CCDC12: variants seen among roughly 807,000 people sequenced by gnomAD.
CCDC12 encodes coiled-coil domain-containing protein 12.
CCDC12 carries 28 observed loss-of-function variants against 25.7 expected under a neutral mutation model. That is an observed-to-expected ratio of 1.09 (90% CI 0.81 to 1.50). The LOEUF (loss-of-function observed/expected upper bound fraction) is 1.50. CCDC12 is among the 40% of genes most tolerant of loss of function. The pLI is 0.00. For synonymous variants in CCDC12, 75 were observed against 87.7 expected (o/e 0.86, Z 0.81); for missense variants, 198 against 210.0 (o/e 0.94, Z 0.35).
At chr3:46,945,205 G>A (rs936057755) in intron 1 of CCDC12, among the ~76,000 whole-genome samples, 1 of 152,162 alleles carries the variant, frequency 6.6e-6, no homozygotes, top group African/African-American at 2.4e-5. Context: ...GCACCTCAAG[G>A]CCTAGCCCAG....
chr3:46,938,518 GTTTTTTTTTTTTTTT>G (rs66474878), intron 2 of CCDC12, among the ~76,000 whole-genome samples: 2 of 91,380 alleles, frequency 2.2e-5, no homozygotes, highest in Non-Finnish European at 4.1e-5. Flanking sequence ...TTCCCCTCCT[GTTTTTTTTTTTTTTT>G]TTTTTTTTTT....
chr3:46,927,997 G>T (rs1447938821), intron 2 of CCDC12, among the ~76,000 whole-genome samples: 1 of 152,196 alleles, frequency 6.6e-6, no homozygotes, highest in Non-Finnish European at 1.5e-5. Flanking sequence ...ACAGGCCCAA[G>T]ATTTAACCTC....
At chr3:46,922,515 G>A (rs2032727896) in intron 5 of CCDC12, 1 of 614,768 alleles carries the variant, frequency 1.6e-6, no homozygotes, top group African/African-American at 1.8e-5. Flanking sequence ...CACTGAGGCA[G>A]GGGGACTAGC....
intron 1 of CCDC12, among the ~76,000 whole-genome samples, chr3:46,941,650 G>A (rs184351620): frequency 3.3e-5 from 5 of 152,244 alleles, no homozygotes. Flanking sequence ...CTCACAGAAA[G>A]AGCTGGATGG....
At chr3:46,934,843 G>A (rs569733216) in intron 2 of CCDC12, among the ~76,000 whole-genome samples, 1 of 152,248 alleles carries the variant, frequency 6.6e-6, no homozygotes, top group South Asian at 2.1e-4. Context: ...TCTACAGTGG[G>A]ACTGAAAGAA....
At chr3:46,950,747 A>C (rs1038586962) in intron 1 of CCDC12, among the ~76,000 whole-genome samples, 3 of 152,188 alleles carry the variant, frequency 2.0e-5, no homozygotes, top group African/African-American at 7.2e-5. Flanking sequence ...AATGGAAATA[A>C]CCTGTGTCCA....
intron 3 of CCDC12, among the ~76,000 whole-genome samples, chr3:46,924,615 C>T (rs1253026090): frequency 2.6e-5 from 4 of 152,150 alleles, no homozygotes; most frequent in Non-Finnish European, 5.9e-5. Flanking sequence ...GACGCCAAGG[C>T]GGGTGGATCA....
chr3:46,977,471 C>CA (rs61340798), upstream of CCDC12, among the ~76,000 whole-genome samples: 233 of 120,234 alleles, frequency 1.9e-3, no homozygotes, highest in African/African-American at 7.2e-3. Context: ...GACTCCGTCT[C>CA]AAAAAAAAAA....
At chr3:46,945,987 C>T (rs192745331) in intron 1 of CCDC12, among the ~76,000 whole-genome samples, 76 of 152,322 alleles carry the variant, frequency 5.0e-4, no homozygotes, top group Middle Eastern at 3.4e-3. Context: ...CTGGAAGGAT[C>T]CCTCAATGGA....
At position 46,968,636 on chromosome 3, in the gene CCDC12, A is replaced by T. The variant is rs559341842; in HGVS notation, c.96+8001T>A. ...ATGCGATTAATGGAGCAGAGGTTTA[A>T]ATCAGATCTGTCTCCAAAGTCCATT... is the stretch of plus-strand genomic sequence containing the variant. On this transcript the variant is annotated intron_variant, in intron 1 of 6. Coordinates refer to ENST00000683445, the MANE Select transcript of CCDC12 (RefSeq NM_001277074.2). 2.0e-5 allele frequency among the ~76,000 whole-genome samples: 3 copies of T among 152,302 alleles called. No individual in the cohort carries two copies. The South Asian group carries it at 6.2e-4, about 32-fold the overall frequency.
chr3:46,923,179 C>T (rs1025746598), intron 5 of CCDC12, 150 bp downstream of exon 5: 1 of 821,730 alleles, frequency 1.2e-6, no homozygotes, highest in Middle Eastern at 4.0e-4. Flanking sequence ...CTCCTCAGCA[C>T]TGGTTTCCAA....
At chr3:46,933,658 T>C (rs1425239723) in intron 2 of CCDC12, among the ~76,000 whole-genome samples, 1 of 152,174 alleles carries the variant, frequency 6.6e-6, no homozygotes, top group Middle Eastern at 3.2e-3. Flanking sequence ...TGAAAGCCCA[T>C]AGCTAGTGGG....
At chr3:46,950,916 C>T (rs1163051854) in intron 1 of CCDC12, among the ~76,000 whole-genome samples, 1 of 152,144 alleles carries the variant, frequency 6.6e-6, no homozygotes, top group Non-Finnish European at 1.5e-5. Flanking sequence ...AAGACAAATA[C>T]TGCATGATCT....
At chr3:46,927,958 G>C (rs897551392) in intron 2 of CCDC12, among the ~76,000 whole-genome samples, 1 of 152,190 alleles carries the variant, frequency 6.6e-6, no homozygotes, top group East Asian at 1.9e-4. Context: ...GCATGGGGGG[G>C]TTCAGCTTGG....
At chr3:46,978,092 C>G (rs73831451), upstream of CCDC12, among the ~76,000 whole-genome samples, 328 of 152,330 alleles carry the variant, frequency 2.2e-3, 3 homozygotes, top group African/African-American at 7.6e-3. Flanking sequence ...CCTTCCCAAG[C>G]TGGCTACAGG....
chr3:46,925,196 C>A, intron 3 of CCDC12: 1 of 658,992 alleles, frequency 1.5e-6, no homozygotes, highest in Non-Finnish European at 2.8e-6. Flanking sequence ...TCAAACCCCA[C>A]TCAGATCCCT....
intron 1 of CCDC12, among the ~76,000 whole-genome samples, chr3:46,947,633 C>T (rs998534458): frequency 1.3e-5 from 2 of 152,148 alleles, no homozygotes; most frequent in African/African-American, 4.8e-5. Flanking sequence ...ACTCTGGGTC[C>T]CCTGCACTCA....
At chr3:46,926,489 T>A (rs991232444) in intron 2 of CCDC12, among the ~76,000 whole-genome samples, 3 of 152,202 alleles carry the variant, frequency 2.0e-5, no homozygotes, top group Admixed American at 2.0e-4. Context: ...TTTATGTTCT[T>A]CCTGCCTCAG....
chr3:46,981,923 G>C (rs979512949), intron 1 of CCDC12: 1 of 152,282 alleles, frequency 6.6e-6, no homozygotes, highest in Non-Finnish European at 1.5e-5. Flanking sequence ...CCCTCCCGGA[G>C]CTCCTCACCT....
Sources: allele counts gnomAD v4.1 joint callset (sites outside exome capture counted in the v4.1 genomes callset), GRCh38; gene constraint gnomAD v4.1.1; transcripts MANE v1.5; gene names NCBI Gene and HGNC (gene_info 2026-07-23, HGNC 2026-07-21).